KIAA1958: variants seen among roughly 807,000 people sequenced by gnomAD.
The protein encoded by KIAA1958 is uncharacterized protein KIAA1958.
A neutral mutation model predicts 47.2 loss-of-function variants in KIAA1958; 14 were observed. That is an observed-to-expected ratio of 0.30 (90% CI 0.20 to 0.46). The LOEUF (loss-of-function observed/expected upper bound fraction) is 0.46. KIAA1958 is among the 20% of genes least tolerant of loss of function. The probability of loss-of-function intolerance (pLI) is 1.00; values close to 1 mark genes in which losing one functional copy is unlikely to be tolerated. For missense variants in KIAA1958, 803 were observed against 909.2 expected, an observed-to-expected ratio of 0.88 and a Z score of 1.50; for synonymous variants, 354 against 353.3, an observed-to-expected ratio of 1.00 and a Z score of -0.02.
chr9:112,606,407 CCATT>C (rs1377116837), intron 2 of KIAA1958, among the ~76,000 whole-genome samples: 1 of 152,032 alleles, frequency 6.6e-6, no homozygotes, highest in Admixed American at 6.6e-5. Context: ...TTTGTAGTTG[CCATT>C]CAGTTTTCTA....
chr9:112,645,827 G>A lies in KIAA1958; in HGVS notation c.1344+5G>A. On this transcript the variant is annotated splice_donor_5th_base_variant and intron_variant, in intron 3 of 3. Coordinates refer to ENST00000337530, the MANE Select transcript of KIAA1958 (RefSeq NM_133465.4). ...GACCACACAGACATCACCAAGGTAA[G>A]GGACTCTTGAGTTTACTTCTTTCAG... The A allele has an allele frequency of 1.2e-6, 2 of 1,611,192 alleles. No individual in the cohort carries two copies. The highest frequency in any genetic ancestry group is 8.5e-7 in the Non-Finnish European group (1 of 1,178,820).
At chr9:112,608,013 A>G (rs1836266597) in intron 2 of KIAA1958, among the ~76,000 whole-genome samples, 1 of 152,250 alleles carries the variant, frequency 6.6e-6, no homozygotes, top group African/African-American at 2.4e-5. Context: ...TACTATTTGA[A>G]TAAGCTGTTA....
At chr9:112,492,916 C>CTTTTTTT (rs60299333) in intron 1 of KIAA1958, among the ~76,000 whole-genome samples, 1 of 114,186 alleles carries the variant, frequency 8.8e-6, no homozygotes, top group African/African-American at 3.5e-5. Flanking sequence ...GCCCAGCTCA[C>CTTTTTTT]TTTTTTTTTT....
chr9:112,511,585 C>T (rs1347026084), intron 1 of KIAA1958, among the ~76,000 whole-genome samples: 3 of 152,116 alleles, frequency 2.0e-5, no homozygotes, highest in Non-Finnish European at 4.4e-5. Context: ...TTGGGGAAAA[C>T]TATAGCAAAT....
intron 1 of KIAA1958, among the ~76,000 whole-genome samples, chr9:112,502,105 A>T (rs1834151966): frequency 6.6e-6 from 1 of 152,174 alleles, no homozygotes; most frequent in Non-Finnish European, 1.5e-5. Context: ...AGTAGAAAGG[A>T]GGAGGGGAGG....
intron 1 of KIAA1958, among the ~76,000 whole-genome samples, chr9:112,518,351 G>A (rs1834474883): frequency 6.6e-6 from 1 of 152,254 alleles, no homozygotes; most frequent in Middle Eastern, 3.4e-3. Context: ...AATAATTGTG[G>A]CATATACATA....
chr9:112,615,655 A>G (rs1442606519), intron 2 of KIAA1958, among the ~76,000 whole-genome samples: 1 of 152,124 alleles, frequency 6.6e-6, no homozygotes, highest in Non-Finnish European at 1.5e-5. Flanking sequence ...CTAAATTCAG[A>G]ACACCCCATT....
intron 1 of KIAA1958, among the ~76,000 whole-genome samples, chr9:112,500,281 A>C (rs1194151704): frequency 6.6e-6 from 1 of 151,940 alleles, no homozygotes; most frequent in Non-Finnish European, 1.5e-5. Flanking sequence ...TTGAATTTTT[A>C]GTAGAGATGG....
intron 2 of KIAA1958, among the ~76,000 whole-genome samples, chr9:112,578,107 A>G (rs949464450): frequency 6.6e-6 from 1 of 152,172 alleles, no homozygotes; most frequent in Admixed American, 6.5e-5. Flanking sequence ...TTTGAACTGG[A>G]AACAGCAGTG....
chr9:112,626,452 T>C (rs1323188394), intron 2 of KIAA1958, among the ~76,000 whole-genome samples: 1 of 152,170 alleles, frequency 6.6e-6, no homozygotes, highest in African/African-American at 2.4e-5. Flanking sequence ...TAGACAGCAT[T>C]TTTACCATTT....
At chr9:112,487,668 A>G (rs1367985164) in intron 1 of KIAA1958, among the ~76,000 whole-genome samples, 1 of 151,852 alleles carries the variant, frequency 6.6e-6, no homozygotes, top group Admixed American at 6.5e-5. Flanking sequence ...TCGCTCCCTT[A>G]TTTATTGTTT....
rs1369419143 is a variant in KIAA1958 at position 112,664,439 on chromosome 9, T to G, written c.*4370T>G. ...CTTTTGAGCTAGTAGACGTTACCTT[T>G]AAGCATCAATGAATGCAAACAGTGA... On this transcript the variant is annotated 3_prime_UTR_variant, in exon 4 of 4. Coordinates refer to ENST00000337530, the MANE Select transcript of KIAA1958 (RefSeq NM_133465.4). 1 of 152,212 alleles carries G rather than the reference T, an allele frequency of 6.6e-6. No homozygotes were observed. Among genetic ancestry groups the G allele is most frequent in the Non-Finnish European group, 1.5e-5 (1 of 68,030 alleles). 9.4% of individuals were successfully genotyped at this position (152,212 alleles called of 1,614,324 possible).
rs747849623 is a variant in KIAA1958 at position 112,659,340 on chromosome 9, G to A, written c.1422G>A (p.Leu474=). The A allele has an allele frequency of 1.9e-6, 3 of 1,613,836 alleles. No homozygotes were observed. The South Asian group carries it at 3.3e-5, about 18-fold the overall frequency. Residue 474 remains leucine, a synonymous_variant, in exon 4 of 4, where the codon CTG becomes CTA. Coordinates refer to ENST00000337530, the MANE Select transcript of KIAA1958 (RefSeq NM_133465.4). ...TVKKSDGSDF[L]ATSLHAIRRG... ...AGAAGAGCGACGGCTCGGACTTCCT[G>A]GCCACCTCGCTCCATGCTATTCGCC...
At position 112,666,002 on chromosome 9, in the gene KIAA1958, TG is replaced by T. The variant is rs1459759522; in HGVS notation, c.*5934del. On this transcript the variant is annotated 3_prime_UTR_variant, in exon 4 of 4. Coordinates refer to ENST00000337530, the MANE Select transcript of KIAA1958 (RefSeq NM_133465.4). ...AGAAAAATATACCTTTTTTTTTTTT[TG>T]AGACTCAGGAGTCTCACTCTGTTGC... 3.7e-4 allele frequency: 56 copies of T among 150,262 alleles called. No homozygotes were observed. Among genetic ancestry groups the T allele is most frequent in the African/African-American group, 1.2e-3 (49 of 40,356 alleles). The allele number at this position is 150,262 out of a possible 1,614,324, so 9.3% of individuals were successfully genotyped here. A position where few individuals can be genotyped will look rare whatever the true frequency, so the allele number is the denominator to read the frequency against.
chr9:112,615,279 G>T (rs1215965870), intron 2 of KIAA1958, among the ~76,000 whole-genome samples: 1 of 151,986 alleles, frequency 6.6e-6, no homozygotes, highest in African/African-American at 2.4e-5. Flanking sequence ...AATTAGCCAG[G>T]CATGATGGCG....
intron 1 of KIAA1958, among the ~76,000 whole-genome samples, chr9:112,568,935 C>CAAAAAAAAAAAAA: frequency 3.5e-4 from 1 of 2,854 alleles, no homozygotes; most frequent in Non-Finnish European, 6.3e-4. Flanking sequence ...AATAGGAAAA[C>CAAAAAAAAAAAAA]TAAAAAAAAA....
chr9:112,558,914 G>A (rs995135802), intron 1 of KIAA1958, among the ~76,000 whole-genome samples: 28 of 151,940 alleles, frequency 1.8e-4, no homozygotes, highest in African/African-American at 5.8e-4. Context: ...CAACACTTTG[G>A]GTACAAAGTA....
chr9:112,541,675 T>C (rs1055078997), intron 1 of KIAA1958, among the ~76,000 whole-genome samples: 1 of 151,958 alleles, frequency 6.6e-6, no homozygotes, highest in African/African-American at 2.4e-5. Context: ...GGCATGGTGG[T>C]GGGTGCCTGT....
intron 1 of KIAA1958, among the ~76,000 whole-genome samples, chr9:112,495,424 G>A (rs1834036842): frequency 6.6e-6 from 1 of 152,108 alleles, no homozygotes. Context: ...TTGCTTATCT[G>A]AAGTATTTTA....
Sources: gnomAD v4.1 joint callset for allele counts (sites outside exome capture counted in the v4.1 genomes callset) on GRCh38, gnomAD v4.1.1 for gene constraint, MANE v1.5 for transcripts, NCBI Gene and HGNC (gene_info 2026-07-23, HGNC 2026-07-21) for gene names.